ARHGAP44: variants seen among roughly 807,000 people sequenced by gnomAD.
ARHGAP44 encodes the protein Rho GTPase activating protein 44.
In ARHGAP44, 43 loss-of-function variants were observed where a neutral mutation model predicts 106.8. That is an observed-to-expected ratio of 0.40 (90% CI 0.32 to 0.52). The LOEUF is 0.52. Ranked by LOEUF, ARHGAP44 falls within the 20% of genes least tolerant of loss-of-function variation. The pLI is 0.48. For missense variants in ARHGAP44, 866 were observed against 1,050.5 expected (o/e 0.82, Z 2.43); for synonymous variants, 439 against 410.3 (o/e 1.07, Z -0.85).
intron 18 of ARHGAP44, among the ~76,000 whole-genome samples, chr17:12,978,841 A>C (rs1207694613): frequency 6.6e-6 from 1 of 151,962 alleles, no homozygotes; most frequent in Non-Finnish European, 1.5e-5. Flanking sequence ...GGCACATGTC[A>C]CCACGCCCAG....
At chr17:12,860,589 T>C (rs1474085489) in intron 1 of ARHGAP44, among the ~76,000 whole-genome samples, 1 of 152,180 alleles carries the variant, frequency 6.6e-6, no homozygotes, top group East Asian at 1.9e-4. Context: ...TATCCAGGGT[T>C]TTTTCTGGCC....
chr17:12,990,342 G>A lies in ARHGAP44; in HGVS notation c.*171G>A, dbSNP rs1396664238. The stretch of plus-strand genomic sequence containing the variant: ...TGTGATCTCCAGTCCGTGTGGTGAT[G>A]CTGGTGGTGCAGGTTTTGTTTGTTC... On this transcript the variant is annotated 3_prime_UTR_variant, in exon 21 of 21. Transcript: ENST00000379672. The A allele has an allele frequency of 1.2e-6, 1 of 818,582 alleles. No homozygotes were observed. The highest frequency in any genetic ancestry group is 1.7e-5 in the African/African-American group (1 of 58,134). 50.7% of individuals were successfully genotyped at this position (818,582 alleles called of 1,614,324 possible). A position where few individuals can be genotyped will look rare whatever the true frequency, so the allele number is the denominator to read the frequency against.
intron 8 of ARHGAP44, 138 bp from the exon 9 acceptor site, chr17:12,943,450 T>C (rs2038758474): frequency 1.3e-5 from 9 of 696,066 alleles, no homozygotes; most frequent in South Asian, 8.7e-5. Flanking sequence ...GCTCGTTATT[T>C]TAGGTAGATT....
chr17:12,817,146 T>C (rs776051658), intron 1 of ARHGAP44, among the ~76,000 whole-genome samples: 8 of 152,066 alleles, frequency 5.3e-5, no homozygotes, highest in Admixed American at 2.6e-4. Context: ...TCTGGTAATA[T>C]AGTTAAGTAA....
chr17:12,796,136 A>ATATCTATCTATCTATCTATCTATC (rs67730348), intron 1 of ARHGAP44, among the ~76,000 whole-genome samples: 12 of 150,206 alleles, frequency 8.0e-5, no homozygotes, highest in African/African-American at 2.9e-4. Flanking sequence ...TTTGAGAAGT[A>ATATCTATCTATCTATCTATCTATC]TATCTATCTA....
chr17:12,950,566 A>G lies in ARHGAP44; in HGVS notation c.1055+836A>G, dbSNP rs189323076. On this transcript the variant is annotated intron_variant, in intron 12 of 20. Transcript: ENST00000379672. ...TATGCGTGCATTAGGATGGCATTGT[A>G]TGTTCTTTTGGGCATAGGTAAGAGC... 1.1e-4 allele frequency among the ~76,000 whole-genome samples: 17 copies of G among 152,284 alleles called. No individual in the cohort carries two copies. In the East Asian group the frequency reaches 2.7e-3, roughly 24 times the overall value.
At chr17:12,902,544 A>G (rs2082965669) in intron 3 of ARHGAP44, among the ~76,000 whole-genome samples, 1 of 152,166 alleles carries the variant, frequency 6.6e-6, no homozygotes, top group South Asian at 2.1e-4. Flanking sequence ...TCCGTGCCTA[A>G]AAAAGAGCCT....
At chr17:12,832,786 T>G (rs2035126362) in intron 1 of ARHGAP44, among the ~76,000 whole-genome samples, 1 of 152,212 alleles carries the variant, frequency 6.6e-6, no homozygotes. Context: ...AGCTAGAGTT[T>G]GGTCAAGGAG....
intron 1 of ARHGAP44, among the ~76,000 whole-genome samples, chr17:12,799,277 C>T (rs2034017119): frequency 6.6e-6 from 1 of 152,210 alleles, no homozygotes; most frequent in African/African-American, 2.4e-5. Context: ...TGTGATAACA[C>T]ATGAGCTCTG....
chr17:12,803,082 C>T (rs1258348841), intron 1 of ARHGAP44, among the ~76,000 whole-genome samples: 1 of 148,242 alleles, frequency 6.7e-6, no homozygotes, highest in African/African-American at 2.5e-5. Flanking sequence ...AAGCAATTCT[C>T]CTGCCTCAGC....
At chr17:12,818,335 G>GAAA (rs376432420) in intron 1 of ARHGAP44, among the ~76,000 whole-genome samples, 12,949 of 91,610 alleles carry the variant, frequency 0.14, 661 homozygotes, top group African/African-American at 0.17. Context: ...ATCTGGAAAA[G>GAAA]AAAAAAAAAA....
intron 1 of ARHGAP44, among the ~76,000 whole-genome samples, chr17:12,833,552 C>A (rs1279491277): frequency 6.6e-6 from 1 of 152,170 alleles, no homozygotes; most frequent in Non-Finnish European, 1.5e-5. Context: ...TCAGTTTTCA[C>A]TTTTTCTAAC....
At chr17:12,911,560 G>C (rs758872871) in intron 4 of ARHGAP44, among the ~76,000 whole-genome samples, 2 of 152,150 alleles carry the variant, frequency 1.3e-5, no homozygotes, top group East Asian at 3.9e-4. Context: ...TGGGTCTTTG[G>C]GGGTGGAGTG....
At chr17:12,954,445 C>T (rs1195508922) in intron 13 of ARHGAP44, among the ~76,000 whole-genome samples, 6 of 152,196 alleles carry the variant, frequency 3.9e-5, no homozygotes, top group South Asian at 2.1e-4. Context: ...CATGGGTTGG[C>T]CTAAGCTCTC....
chr17:12,867,827 C>A (rs994200129), intron 1 of ARHGAP44, among the ~76,000 whole-genome samples: 1 of 152,190 alleles, frequency 6.6e-6, no homozygotes, highest in African/African-American at 2.4e-5. Context: ...TGGTCTCTGA[C>A]AAACCACATA....
At chr17:12,944,947 T>A (rs1050237672) in intron 10 of ARHGAP44, among the ~76,000 whole-genome samples, 1 of 152,060 alleles carries the variant, frequency 6.6e-6, no homozygotes, top group African/African-American at 2.4e-5. Flanking sequence ...ATCCTGAAAA[T>A]ATGATTGATA....
At chr17:12,897,452 A>G (rs2037244276) in intron 3 of ARHGAP44, among the ~76,000 whole-genome samples, 1 of 144,236 alleles carries the variant, frequency 6.9e-6, no homozygotes, top group Admixed American at 7.0e-5. Context: ...TTTTTTTTCC[A>G]AGCCCTGGTT....
intron 19 of ARHGAP44, among the ~76,000 whole-genome samples, chr17:12,983,526 C>T (rs977379236): frequency 2.6e-5 from 4 of 151,930 alleles, no homozygotes; most frequent in Non-Finnish European, 2.9e-5. Flanking sequence ...GTTGATTGGC[C>T]GGGCGTGGTG....
intron 6 of ARHGAP44, among the ~76,000 whole-genome samples, chr17:12,922,726 G>A (rs1000506093): frequency 3.2e-4 from 47 of 146,274 alleles, no homozygotes; most frequent in African/African-American, 1.1e-3. Context: ...AGCCTCCCGA[G>A]TAGCTGGGAT....
Sources: allele counts gnomAD v4.1 joint callset (sites outside exome capture counted in the v4.1 genomes callset), GRCh38; gene constraint gnomAD v4.1.1; transcripts MANE v1.5; gene names NCBI Gene and HGNC (gene_info 2026-07-23, HGNC 2026-07-21).